The following ABCC9 variants were observed in gnomAD, a reference collection of about 807,000 sequenced individuals.
The protein encoded by ABCC9 is ATP binding cassette subfamily C member 9, also known as ATP-binding cassette sub-family C member 9.
ABCC9 carries 95 observed loss-of-function variants against 188.3 expected under a neutral mutation model. The ratio of observed to expected loss-of-function variants is 0.50; its 90% CI spans 0.43 to 0.60. ABCC9 has a LOEUF of 0.60. Ranked by LOEUF, ABCC9 falls within the 20% of genes least tolerant of loss-of-function variation. The probability of loss-of-function intolerance (pLI) is 0.00; values close to 1 mark genes in which losing one functional copy is unlikely to be tolerated. For missense variants in ABCC9, 1,102 were observed against 1,876.3 expected, an observed-to-expected ratio of 0.59 and a Z score of 7.62; for synonymous variants, 659 against 652.7, an observed-to-expected ratio of 1.01 and a Z score of -0.15.
At chr12:21,889,614 C>T (rs185121230) in intron 14 of ABCC9, among the ~76,000 whole-genome samples, 1 of 152,222 alleles carries the variant, frequency 6.6e-6, no homozygotes, top group East Asian at 1.9e-4. Flanking sequence ...AGGAATAAAT[C>T]AATGATTCTG....
chr12:21,816,071 T>TTTTTTTTTTTTTTTTTTTTTTTTTTTC (rs1942622027), intron 33 of ABCC9, among the ~76,000 whole-genome samples, 178 bp from the exon 34 acceptor site: 1 of 100,894 alleles, frequency 9.9e-6, no homozygotes, highest in African/African-American at 4.1e-5. Context: ...TTTTTTTTTT[T>TTTTTTTTTTTTTTTTTTTTTTTTTTTC]TTTTTTTTTA....
chr12:21,877,419 A>C (rs1259469178), intron 16 of ABCC9, among the ~76,000 whole-genome samples: 2 of 152,180 alleles, frequency 1.3e-5, no homozygotes, highest in African/African-American at 4.8e-5. Context: ...GCTGAAGATC[A>C]AAAAAACCGT....
At chr12:21,892,529 G>A (rs1947211086) in intron 14 of ABCC9, among the ~76,000 whole-genome samples, 1 of 152,150 alleles carries the variant, frequency 6.6e-6, no homozygotes, top group Non-Finnish European at 1.5e-5. Flanking sequence ...TGGAAGTGGT[G>A]CTACAAAAAG....
intron 36 of ABCC9, among the ~76,000 whole-genome samples, chr12:21,811,729 C>T (rs921704263): frequency 6.6e-6 from 1 of 152,070 alleles, no homozygotes; most frequent in Non-Finnish European, 1.5e-5. Context: ...TGAGGTCAGG[C>T]CAGACACACA....
intron 39 of ABCC9, among the ~76,000 whole-genome samples, chr12:21,802,154 T>G (rs1422109026): frequency 6.6e-6 from 1 of 152,190 alleles, no homozygotes; most frequent in African/African-American, 2.4e-5. Context: ...AGCAATATAC[T>G]TAACATTGTA....
At chr12:21,927,771 CATG>C (rs1210837783) in intron 4 of ABCC9, among the ~76,000 whole-genome samples, 1 of 152,140 alleles carries the variant, frequency 6.6e-6, no homozygotes, top group Non-Finnish European at 1.5e-5. Flanking sequence ...TTAATATAGA[CATG>C]GTAATAAAAA....
At chr12:21,822,528 A>G (rs1253127358) in intron 31 of ABCC9, among the ~76,000 whole-genome samples, 2 of 152,120 alleles carry the variant, frequency 1.3e-5, no homozygotes, top group African/African-American at 2.4e-5. Flanking sequence ...GGCCAGGTGC[A>G]GTGGCTCATT....
intron 18 of ABCC9, among the ~76,000 whole-genome samples, chr12:21,866,782 C>G (rs1945803600): frequency 6.6e-6 from 1 of 152,116 alleles, no homozygotes; most frequent in East Asian, 1.9e-4. Context: ...CTTAGGCAGT[C>G]ATTGGTGAGA....
At chr12:21,883,755 T>C (rs1946742937) in intron 15 of ABCC9, among the ~76,000 whole-genome samples, 1 of 152,054 alleles carries the variant, frequency 6.6e-6, no homozygotes, top group Non-Finnish European at 1.5e-5. Flanking sequence ...ATTACAGTGT[T>C]TCATCAGGAG....
chr12:21,842,598 C>T, intron 28 of ABCC9, 127 bp from the exon 29 acceptor site: 1 of 909,408 alleles, frequency 1.1e-6, no homozygotes, highest in Non-Finnish European at 1.8e-6. Context: ...TAAGCATGTT[C>T]ATCCTAAGCA....
chr12:21,901,985 A>G (rs1947778372), intron 12 of ABCC9, among the ~76,000 whole-genome samples: 1 of 152,236 alleles, frequency 6.6e-6, no homozygotes, highest in Admixed American at 6.5e-5. Context: ...CTCCACCCCA[A>G]ATCAACAGAA....
chr12:21,852,462 A>C lies in ABCC9; in HGVS notation c.2549T>G (p.Leu850Ter). The change falls in exon 23 of 40, where the codon TTA becomes TGA. Residue 850 changes from leucine (L) to a stop codon, truncating the protein, a stop_gained. Coordinates refer to ENST00000261200, the MANE Select transcript of ABCC9 (RefSeq NM_020297.4). LOFTEE classifies it high-confidence loss of function. ...SALDIHLSDHLMQEGILKFLQ... is the reference protein window; with the variant it reads ...SALDIHLSDH ...GAATTTCAAAATCCCCTCCTGCATT[A>C]AATGATCACTCAAGTGAATGTCCAG... 6.2e-7 allele frequency: 1 copy of C among 1,613,408 alleles called. No individual in the cohort carries two copies. The highest frequency in any genetic ancestry group is 8.5e-7 in the Non-Finnish European group (1 of 1,179,958).
At chr12:21,847,364 AT>A (rs1419732236) in intron 25 of ABCC9, among the ~76,000 whole-genome samples, 1 of 152,216 alleles carries the variant, frequency 6.6e-6, no homozygotes. Flanking sequence ...TGTAGCCTTC[AT>A]TCATTAATTC....
intron 19 of ABCC9, 42 bp downstream of exon 19, chr12:21,864,397 G>T (rs2137529147): frequency 7.4e-7 from 1 of 1,352,764 alleles, no homozygotes; most frequent in Non-Finnish European, 1.1e-6. Context: ...TCTGAGGAAG[G>T]AAGTTATTCT....
At chr12:21,901,149 T>C (rs562212731) in intron 12 of ABCC9, among the ~76,000 whole-genome samples, 23 of 152,312 alleles carry the variant, frequency 1.5e-4, no homozygotes, top group African/African-American at 5.1e-4. Flanking sequence ...GGACCAATAT[T>C]TGACATTCTT....
rs184035833 is a variant in ABCC9 at position 21,817,814 on chromosome 12, C to T, written c.3771+336G>A. Among the ~76,000 whole-genome samples the T allele has an allele frequency of 1.0e-3, 156 of 152,244 alleles. 1 individual carries two copies. The Middle Eastern group carries it at 0.014, about 13-fold the overall frequency. ...AATCTTGTTATGAATTTAAACCTTT[C>T]CTCTAACGTCCATGAATAAGAGTTG... On this transcript the variant is annotated intron_variant, in intron 32 of 39. Coordinates refer to ENST00000261200, the MANE Select transcript of ABCC9 (RefSeq NM_020297.4).
chr12:21,845,716 T>C lies in ABCC9; in HGVS notation c.2983A>G (p.Ile995Val), dbSNP rs374500043. ...AAAAGCTTAGAGAAAATCATCAGGA[T>C]GAGCAGGAAGAATCCTCCAGATGTC... is the stretch of plus-strand genomic sequence containing the variant. ...YLTSGGFFLLILMIFSKLLKH... is the reference protein window; with the variant it reads ...YLTSGGFFLLVLMIFSKLLKH... The change falls in exon 26 of 40, where the codon ATC becomes GTC. Residue 995 changes from isoleucine to valine, a missense_variant. Physicochemically the swap from Ile to Val is conservative, Grantham distance 29. Coordinates refer to ENST00000261200, the MANE Select transcript of ABCC9 (RefSeq NM_020297.4). 6 of 1,613,814 alleles carry C rather than the reference T, an allele frequency of 3.7e-6. No homozygotes were observed. The African/African-American group carries it at 8.0e-5, about 22-fold the overall frequency.
intron 10 of ABCC9, among the ~76,000 whole-genome samples, chr12:21,909,910 T>C (rs1324845192): frequency 1.3e-5 from 2 of 151,882 alleles, no homozygotes; most frequent in African/African-American, 2.4e-5. Flanking sequence ...AACTAGGGCT[T>C]TGAGGAGTTA....
At chr12:21,843,036 G>A (rs1944470899) in intron 28 of ABCC9, among the ~76,000 whole-genome samples, 1 of 151,958 alleles carries the variant, frequency 6.6e-6, no homozygotes, top group African/African-American at 2.4e-5. Context: ...GGTGCTTTTA[G>A]CTCAATCACA....
Sources: gnomAD v4.1 joint callset for allele counts (sites outside exome capture counted in the v4.1 genomes callset) on GRCh38, gnomAD v4.1.1 for gene constraint, MANE v1.5 for transcripts, NCBI Gene and HGNC (gene_info 2026-07-23, HGNC 2026-07-21) for gene names.